Variants in CYP4F3 observed in about 807,000 individuals in gnomAD.
CYP4F3 encodes cytochrome P450 4F3.
A neutral mutation model predicts 54.8 loss-of-function variants in CYP4F3; 50 were observed. The observed-to-expected ratio is 0.91, with a 90% CI of 0.73 to 1.16. The LOEUF is 1.16. CYP4F3 is among the 50% of genes most tolerant of loss of function. The pLI is 0.00. For missense variants in CYP4F3, 715 were observed against 676.2 expected (o/e 1.06, Z -0.64); for synonymous variants, 244 against 262.6 (o/e 0.93, Z 0.69).
At chr19:15,641,231 T>A in intron 1 of CYP4F3, 184 bp from the exon 2 acceptor site, 2 of 670,530 alleles carry the variant, frequency 3.0e-6, no homozygotes, top group South Asian at 2.0e-5. Context: ...GGAGGCCACT[T>A]GGTTGCTGGT....
chr19:15,651,125 T>C (rs945671631), intron 7 of CYP4F3, among the ~76,000 whole-genome samples: 1 of 151,294 alleles, frequency 6.6e-6, no homozygotes, highest in African/African-American at 2.4e-5. Flanking sequence ...CCATCCACCT[T>C]GGCCTCCCAA....
chr19:15,652,719 A>G (rs1972893566), intron 8 of CYP4F3, 84 bp downstream of exon 8: 3 of 1,608,930 alleles, frequency 1.9e-6, no homozygotes, highest in Non-Finnish European at 1.7e-6. Context: ...CGCACTTCCC[A>G]TCCCCCTTCC....
Position 15,647,094 on chromosome 19 carries a change from A to C in CYP4F3, c.386A>C (p.Lys129Thr), listed in dbSNP as rs1319090120. The part of the protein sequence containing the change: ...PKDKVFYSFL[K>T]PWLGDGLLLS... ...GACAAGGTCTTCTACAGCTTCCTGA[A>C]GCCCTGGCTGGGTGAGTATCTGTAG... Residue 129 changes from lysine to threonine, a missense_variant, in exon 4 of 13, where the codon AAG becomes ACG. By Grantham distance (78) the Lys-to-Thr change is moderately conservative. Coordinates refer to ENST00000221307, the MANE Select transcript of CYP4F3 (RefSeq NM_000896.3). 3.8e-5 allele frequency: 61 copies of C among 1,613,774 alleles called. No individual in the cohort carries two copies. The highest frequency in any genetic ancestry group is 5.2e-5 in the Non-Finnish European group (61 of 1,180,040).
chr19:15,644,375 G>T (rs1255223572), intron 2 of CYP4F3, among the ~76,000 whole-genome samples: 1 of 152,196 alleles, frequency 6.6e-6, no homozygotes, highest in Non-Finnish European at 1.5e-5. Flanking sequence ...GGTCAAGAAA[G>T]GGCCAGAGGG....
chr19:15,656,241 A>G (rs4808349), intron 9 of CYP4F3, among the ~76,000 whole-genome samples: 42,074 of 151,800 alleles, frequency 0.28, 6,491 homozygotes, highest in East Asian at 0.49. Context: ...GTGGCAAATG[A>G]GATAATTTTT....
intron 2 of CYP4F3, among the ~76,000 whole-genome samples, chr19:15,643,747 G>A (rs879332339): frequency 4.6e-5 from 7 of 152,178 alleles, no homozygotes; most frequent in Admixed American, 4.6e-4. Context: ...ACACTGGGGA[G>A]GGTGATTCTT....
intron 9 of CYP4F3, 27 bp downstream of exon 9, chr19:15,652,979 C>T (rs1299088456): frequency 6.3e-7 from 1 of 1,582,582 alleles, no homozygotes; most frequent in African/African-American, 1.4e-5. Flanking sequence ...GTGCCCTGTT[C>T]CTGAGCCTGT....
At chr19:15,649,017 C>G in intron 5 of CYP4F3, 143 bp from the exon 6 acceptor site, 1 of 1,352,502 alleles carries the variant, frequency 7.4e-7, no homozygotes, top group Non-Finnish European at 9.8e-7. Flanking sequence ...TTGCTTGCAC[C>G]ATAACCTGGT....
chr19:15,658,568 CG>C lies in CYP4F3; in HGVS notation c.1314+14del, dbSNP rs562120602. The stretch of plus-strand genomic sequence containing the variant: ...GCCGGACCCTGAGGTGCGGGCCCCC[CG>C]TCTCTGTTTTTGTCCATTCCAAGGC... On this transcript the variant is annotated intron_variant, in intron 11 of 12. Transcript: ENST00000221307. The C allele has an allele frequency of 3.5e-4, 568 of 1,614,004 alleles. 5 individuals are homozygous for C. In the East Asian group the frequency reaches 0.012, roughly 35 times the overall value.
Position 15,649,156 on chromosome 19 carries a change from C to T in CYP4F3, c.526-4C>T. The T allele has an allele frequency of 1.9e-6, 3 of 1,613,250 alleles. No individual in the cohort carries two copies. The highest frequency in any genetic ancestry group is 2.5e-6 in the Non-Finnish European group (3 of 1,179,376). On this transcript the variant is annotated splice_polypyrimidine_tract_variant and splice_region_variant and intron_variant, in intron 5 of 12. Coordinates refer to ENST00000221307, the MANE Select transcript of CYP4F3 (RefSeq NM_000896.3). ...GCCCCAGCTCTGTCCCCTTCTCTGGCTAGGCCAAGTGGCAGCTCCTGGCCT... is the reference window on the plus strand; with the variant it reads ...GCCCCAGCTCTGTCCCCTTCTCTGGTTAGGCCAAGTGGCAGCTCCTGGCCT...
Position 15,642,699 on chromosome 19 carries a change from G to T in CYP4F3, c.198+1086G>T, listed in dbSNP as rs544701401. 7.9e-5 allele frequency among the ~76,000 whole-genome samples: 12 copies of T among 152,308 alleles called. No individual in the cohort carries two copies. The East Asian group carries it at 2.3e-3, about 29-fold the overall frequency. On this transcript the variant is annotated intron_variant, in intron 2 of 12. Transcript: ENST00000221307. ...GGATGCGCTCTTGGGACTTGGGGGT[G>T]GCCCCAAGAGAGATAGAGCAGGAGG... is the stretch of plus-strand genomic sequence containing the variant.
chr19:15,658,673 A>T (rs1382830260), intron 11 of CYP4F3, 54 bp from the exon 12 acceptor site: 1 of 1,610,940 alleles, frequency 6.2e-7, no homozygotes, highest in Admixed American at 1.7e-5. Context: ...TGTCTCTCCA[A>T]GGCTGGCGGA....
rs777628986 is a variant in CYP4F3, at chr19:15,662,443, C to T, written c.*3058C>T. ...GACCAATACCACACTGCCCTAGTCACTGTTGCATTATAGTATATCTTTAAA... is the reference window on the plus strand; with the variant it reads ...GACCAATACCACACTGCCCTAGTCATTGTTGCATTATAGTATATCTTTAAA... On this transcript the variant is annotated 3_prime_UTR_variant, in exon 13 of 13. Transcript: ENST00000221307. 1 of 150,614 alleles carries T rather than the reference C, an allele frequency of 6.6e-6. No homozygotes were observed. The highest frequency in any genetic ancestry group is 2.5e-5 in the African/African-American group (1 of 40,806). The allele number at this position is 150,614 out of a possible 1,614,324, so 9.3% of individuals were successfully genotyped here. A position where few individuals can be genotyped will look rare whatever the true frequency, so the allele number is the denominator to read the frequency against.
chr19:15,659,038 G>A (rs983643020), intron 12 of CYP4F3, among the ~76,000 whole-genome samples, 182 bp from the exon 13 acceptor site: 12 of 96,198 alleles, frequency 1.2e-4, no homozygotes, highest in Non-Finnish European at 2.2e-4. Context: ...AGGCTGGGGG[G>A]TTGGAGCTCG....
At chr19:15,650,682 TTCTTTC>T (rs1568397558) in intron 7 of CYP4F3, among the ~76,000 whole-genome samples, 2 of 68,140 alleles carry the variant, frequency 2.9e-5, no homozygotes, top group Non-Finnish European at 5.3e-5. Flanking sequence ...CTTTCTTTCT[TTCTTTC>T]TTTCTTTCTT....
intron 7 of CYP4F3, among the ~76,000 whole-genome samples, chr19:15,650,730 TTC>T (rs1972796372): frequency 8.6e-6 from 1 of 116,100 alleles, no homozygotes; most frequent in African/African-American, 4.0e-5. Flanking sequence ...CTTTCTTTCT[TTC>T]TTTCTTTTCC....
intron 6 of CYP4F3, 23 bp from the exon 7 acceptor site, chr19:15,649,890 C>G: frequency 6.2e-7 from 1 of 1,609,626 alleles, no homozygotes; most frequent in Non-Finnish European, 8.5e-7. Context: ...ATTGTTGCCT[C>G]CCTTTCTGCC....
At chr19:15,646,150 G>C (rs2144639414) in intron 3 of CYP4F3, among the ~76,000 whole-genome samples, 2 of 152,318 alleles carry the variant, frequency 1.3e-5, no homozygotes, top group Non-Finnish European at 2.9e-5. Flanking sequence ...GGTTACACCT[G>C]AAATATGTTA....
At chr19:15,658,875 G>A in intron 12 of CYP4F3, 66 bp downstream of exon 12, 1 of 1,562,160 alleles carries the variant, frequency 6.4e-7, no homozygotes, top group East Asian at 2.3e-5. Flanking sequence ...CATGACAGTG[G>A]GGAAAAGGGG....
Sources: gnomAD v4.1 joint callset for allele counts (sites outside exome capture counted in the v4.1 genomes callset) on GRCh38, gnomAD v4.1.1 for gene constraint, MANE v1.5 for transcripts, NCBI Gene and HGNC (gene_info 2026-07-23, HGNC 2026-07-21) for gene names.